The following SI variants were observed in gnomAD, a reference collection of about 807,000 sequenced individuals.
SI encodes sucrase-isomaltase, intestinal.
In SI, 235 loss-of-function variants were observed where a neutral mutation model predicts 253.3. That is an observed-to-expected ratio of 0.93 (90% confidence interval 0.83 to 1.03). The LOEUF is 1.03. SI is among the 50% of genes least tolerant of loss of function. The pLI is 0.00. For missense variants in SI, 2,442 were observed against 2,211.1 expected (o/e 1.10, Z -2.09); for synonymous variants, 819 against 712.0 (o/e 1.15, Z -2.39).
intron 20 of SI, 107 bp downstream of exon 20, chr3:165,038,970 TA>T: frequency 1.5e-6 from 1 of 669,456 alleles, no homozygotes. Context: ...ACAGAAATTC[TA>T]AAAATATGTA....
At chr3:165,062,894 T>G (rs1165058144) in intron 8 of SI, among the ~76,000 whole-genome samples, 1 of 152,106 alleles carries the variant, frequency 6.6e-6, no homozygotes, top group Non-Finnish European at 1.5e-5. Flanking sequence ...AGTTTTAATT[T>G]AACTTTTCTA....
chr3:165,076,768 G>A (rs1715006817), intron 1 of SI, among the ~76,000 whole-genome samples: 1 of 151,544 alleles, frequency 6.6e-6, no homozygotes, highest in East Asian at 1.9e-4. Context: ...AGACAGGAAA[G>A]AACACATCTC....
chr3:164,979,939 C>T (rs9917679), intron 47 of SI, among the ~76,000 whole-genome samples: 7,321 of 151,834 alleles, frequency 0.048, 598 homozygotes, highest in African/African-American at 0.17. Flanking sequence ...CTAAAGTAGA[C>T]TCTAGAGAGA....
Position 165,068,758 on chromosome 3 carries a change from T to C in SI, c.447A>G (p.Thr149=). 2 of 1,613,942 alleles carry C rather than the reference T, an allele frequency of 1.2e-6. No individual in the cohort carries two copies. The highest frequency in any genetic ancestry group is 2.2e-5 in the South Asian group (2 of 91,088). ...FGNDINSVLF[T]TQNQTPNRFR... ...AACGATTGGGTGTCTGATTTTGAGT[T>C]GTGAAGAGAACACTGTTGATGTCAT... Residue 149 remains threonine (T), a synonymous_variant, in exon 5 of 48, where the codon ACA becomes ACG. Transcript: ENST00000264382.
At chr3:165,074,828 A>C (rs938231145) in intron 2 of SI, 161 bp from the exon 3 acceptor site, 5 of 600,202 alleles carry the variant, frequency 8.3e-6, no homozygotes, top group African/African-American at 3.7e-5. Flanking sequence ...TTCAAGCACT[A>C]GTCATCAAAA....
intron 45 of SI, among the ~76,000 whole-genome samples, chr3:164,983,717 G>T (rs1717307784): frequency 6.6e-6 from 1 of 152,024 alleles, no homozygotes; most frequent in South Asian, 2.1e-4. Context: ...AGCCTCCTGA[G>T]TGGCTGGAAC....
intron 6 of SI, among the ~76,000 whole-genome samples, chr3:165,066,411 A>T (rs1027522096): frequency 2.0e-5 from 3 of 151,944 alleles, no homozygotes; most frequent in Non-Finnish European, 4.4e-5. Context: ...ACTAATTAAC[A>T]TATCCACCAC....
intron 16 of SI, among the ~76,000 whole-genome samples, chr3:165,046,058 T>C (rs1422490197): frequency 1.3e-5 from 2 of 151,916 alleles, no homozygotes; most frequent in Admixed American, 6.6e-5. Context: ...CTCAAACTCC[T>C]GACCTCAAGT....
At position 165,063,521 on chromosome 3, in the gene SI, G is replaced by T. The variant is rs747578260; in HGVS notation, c.828C>A (p.Gly276=). The T allele has an allele frequency of 2.6e-6, 4 of 1,517,782 alleles. No homozygotes were observed. Among genetic ancestry groups the T allele is most frequent in the South Asian group, 1.2e-5 (1 of 83,552 alleles). The allele number at this position is 1,517,782 out of a possible 1,614,324, so 94.0% of individuals were successfully genotyped here. The part of the protein sequence containing the change: ...LPGDNNNNLY[G]HQTFFMCIED... ...CAATACACATAAAGAATGTTTGATG[G>T]CCGTATAAATTATTATTATTCTATA... The change falls in exon 8 of 48, where the codon GGC becomes GGA. Residue 276 remains glycine (G), a synonymous_variant. Transcript: ENST00000264382.
chr3:165,049,020 TC>T (rs529412592), intron 15 of SI, 106 bp downstream of exon 15: 459,598 of 759,672 alleles, frequency 0.6, 141,036 homozygotes, highest in East Asian at 0.83. Context: ...ATATTATCTT[TC>T]TTTTTTCAAC....
intron 44 of SI, among the ~76,000 whole-genome samples, chr3:164,990,909 A>G (rs79015107): frequency 1.3e-5 from 2 of 152,016 alleles, no homozygotes; most frequent in South Asian, 2.1e-4. Context: ...AAAAAAAAAA[A>G]TGAATAGCAT....
chr3:165,035,007 A>T (rs1434486986), intron 22 of SI, among the ~76,000 whole-genome samples: 4 of 151,966 alleles, frequency 2.6e-5, no homozygotes, highest in Non-Finnish European at 5.9e-5. Context: ...GAACCAATGA[A>T]ATCCTTAGGT....
At chr3:164,995,803 C>T (rs1717982395) in intron 40 of SI, among the ~76,000 whole-genome samples, 1 of 151,756 alleles carries the variant, frequency 6.6e-6, no homozygotes, top group Admixed American at 6.6e-5. Context: ...TTATTTGTAT[C>T]TGACCTATTA....
intron 9 of SI, among the ~76,000 whole-genome samples, chr3:165,060,955 A>C (rs1713956713): frequency 6.7e-6 from 1 of 150,248 alleles, no homozygotes; most frequent in Non-Finnish European, 1.5e-5. Context: ...TTAATTACTC[A>C]TGTTGGGTTA....
chr3:165,017,227 G>T (rs1719080409), intron 31 of SI, among the ~76,000 whole-genome samples: 1 of 151,826 alleles, frequency 6.6e-6, no homozygotes, highest in South Asian at 2.1e-4. Context: ...ATATTTCTGT[G>T]AACTTTAACA....
At chr3:165,040,888 G>T (rs958790696) in intron 18 of SI, 52 bp downstream of exon 18, 17 of 1,449,402 alleles carry the variant, frequency 1.2e-5, no homozygotes, top group Middle Eastern at 1.7e-4. Flanking sequence ...TTCTGTGTAT[G>T]TTTGAACATA....
intron 45 of SI, among the ~76,000 whole-genome samples, 160 bp from the exon 46 acceptor site, chr3:164,983,211 A>G (rs993858817): frequency 1.7e-4 from 26 of 152,164 alleles, no homozygotes; most frequent in African/African-American, 6.3e-4. Flanking sequence ...TTCAGATACA[A>G]TCCAAGGAGC....
chr3:164,991,602 T>C (rs1717737112), intron 43 of SI, 125 bp from the exon 44 acceptor site: 1 of 1,019,246 alleles, frequency 9.8e-7, no homozygotes, highest in African/African-American at 1.6e-5. Flanking sequence ...AATTCACATT[T>C]ATTCAGAAAA....
Position 165,038,019 on chromosome 3 carries a change from T to C in SI, c.2307A>G (p.Ala769=), listed in dbSNP as rs769024552. 2 of 1,583,942 alleles carry C rather than the reference T, an allele frequency of 1.3e-6. No individual in the cohort carries two copies. Among genetic ancestry groups the C allele is most frequent in the Non-Finnish European group, 1.7e-6 (2 of 1,153,268 alleles). ...CCCGTTGTTTCCTCCATGGCCTTTT[T>C]GCACCCTAATAATTGGAAGATTAAA... is the stretch of plus-strand genomic sequence containing the variant. ...DAIWYDYESG[A]KRPWRKQRVD... The change falls in exon 21 of 48, where the codon GCA becomes GCG. Residue 769 remains alanine (A), a synonymous_variant. Coordinates refer to ENST00000264382, the MANE Select transcript of SI (RefSeq NM_001041.4).
Sources: gnomAD v4.1 joint callset for allele counts (sites outside exome capture counted in the v4.1 genomes callset) on GRCh38, gnomAD v4.1.1 for gene constraint, MANE v1.5 for transcripts, NCBI Gene and HGNC (gene_info 2026-07-23, HGNC 2026-07-21) for gene names.